The following TEX9 variants were observed in gnomAD, a reference collection of about 807,000 sequenced individuals.
TEX9 encodes testis expressed 9.
Under a neutral mutation model 59.6 loss-of-function variants are expected in TEX9, and 74 were observed. The observed-to-expected ratio is 1.24, with a 90% CI of 1.03 to 1.51. TEX9 has a LOEUF of 1.51. Ranked by LOEUF, TEX9 falls within the 40% of genes most tolerant of loss-of-function variation. TEX9 has a pLI of 0.00. For missense variants in TEX9, 522 were observed against 447.8 expected (o/e 1.17, Z -1.49); for synonymous variants, 186 against 152.2 (o/e 1.22, Z -1.64).
chr15:56,317,691 G>T (rs545010136), intron 1 of TEX9, among the ~76,000 whole-genome samples: 8 of 151,898 alleles, frequency 5.3e-5, no homozygotes, highest in Admixed American at 1.3e-4. Flanking sequence ...CAGCTTAATT[G>T]TGTTCCATAT....
intron 1 of TEX9, among the ~76,000 whole-genome samples, chr15:56,327,668 G>A (rs1349926479): frequency 6.6e-6 from 1 of 152,142 alleles, no homozygotes; most frequent in Non-Finnish European, 1.5e-5. Context: ...GCCTCGTGGT[G>A]CAGAAGGAGA....
At chr15:56,460,009 A>AAAAAAATATATATATATATATATATATAT in the TEX9 span, among the ~76,000 whole-genome samples, 22 of 26,382 alleles carry the variant, frequency 8.3e-4, 5 homozygotes, top group Non-Finnish European at 1.2e-3. Context: ...AAAAAAAAAA[A>AAAAAAATATATATATATATATATATATAT]ATACATATAT....
intron 1 of TEX9, among the ~76,000 whole-genome samples, chr15:56,353,198 A>G (rs1218225606): frequency 6.6e-6 from 1 of 152,220 alleles, no homozygotes; most frequent in Non-Finnish European, 1.5e-5. Context: ...AAATAAAAAT[A>G]TAAGCTTGTT....
At chr15:56,254,791 A>G (rs568539566) in intron 1 of TEX9, among the ~76,000 whole-genome samples, 30 of 150,826 alleles carry the variant, frequency 2.0e-4, no homozygotes, top group African/African-American at 7.0e-4. Flanking sequence ...TATAAAATAT[A>G]TACTTATAAA....
At chr15:56,343,824 A>G (rs1361774625) in intron 1 of TEX9, among the ~76,000 whole-genome samples, 1 of 152,188 alleles carries the variant, frequency 6.6e-6, no homozygotes, top group Non-Finnish European at 1.5e-5. Context: ...AAAGGGATCA[A>G]AGGATTTAGA....
intron 1 of TEX9, among the ~76,000 whole-genome samples, chr15:56,341,305 G>A (rs779111653): frequency 2.0e-5 from 3 of 152,020 alleles, no homozygotes; most frequent in African/African-American, 7.2e-5. Context: ...AAATGCCAGC[G>A]ATATTACACA....
chr15:56,456,515 C>A, the TEX9 span: 8 of 1,607,440 alleles, frequency 5.0e-6, no homozygotes, highest in East Asian at 1.8e-4. Context: ...CTCTTGTTTT[C>A]TTCTGCCTGA....
At chr15:56,427,736 A>G (rs1034927953) in exon 11 of TEX9, 40 of 1,478,242 alleles carry the variant, frequency 2.7e-5, no homozygotes, top group Non-Finnish European at 3.5e-5. Context: ...TAAAAAGGCA[A>G]AAGGTGAGTC....
At chr15:56,394,309 A>G (rs536629742) in intron 8 of TEX9, 62 bp downstream of exon 8, 15 of 1,379,638 alleles carry the variant, frequency 1.1e-5, no homozygotes, top group African/African-American at 7.4e-5. Flanking sequence ...AGCAATTTCA[A>G]TTACATTTTT....
chr15:56,368,058 C>T (rs1379274676), intron 2 of TEX9, among the ~76,000 whole-genome samples: 4 of 152,144 alleles, frequency 2.6e-5, no homozygotes, highest in Non-Finnish European at 5.9e-5. Context: ...TGATGGTGAG[C>T]TTCCTTGTTT....
intron 1 of TEX9, among the ~76,000 whole-genome samples, chr15:56,317,043 C>T (rs2141668621): frequency 6.6e-6 from 1 of 152,270 alleles, no homozygotes; most frequent in South Asian, 2.1e-4. Context: ...GACCTGCGCC[C>T]ACTGTCTGGC....
intron 10 of TEX9, among the ~76,000 whole-genome samples, chr15:56,426,587 GTGTATATATATA>G (rs1567141578): frequency 2.4e-4 from 2 of 8,212 alleles, no homozygotes; most frequent in South Asian, 5.4e-3. Context: ...TTTTGAAAAG[GTGTATATATATA>G]TATATATATA....
At chr15:56,304,182 T>C (rs181429408) in intron 1 of TEX9, among the ~76,000 whole-genome samples, 2 of 152,318 alleles carry the variant, frequency 1.3e-5, no homozygotes, top group East Asian at 3.9e-4. Context: ...GGTGTGATCA[T>C]TATGAAAACA....
chr15:56,427,504 T>TTTAAG, intron 10 of TEX9, 101 bp from the exon 11 acceptor site: 1 of 791,258 alleles, frequency 1.3e-6, no homozygotes, highest in Non-Finnish European at 1.8e-6. Flanking sequence ...TATATTTCAG[T>TTTAAG]TTAAGAAAGT....
At chr15:56,379,417 T>C (rs1414149769) in intron 3 of TEX9, among the ~76,000 whole-genome samples, 1 of 152,222 alleles carries the variant, frequency 6.6e-6, no homozygotes, top group Non-Finnish European at 1.5e-5. Flanking sequence ...AGATGCTTGA[T>C]ATTATTTCAG....
chr15:56,275,154 C>G (rs2044639361), intron 1 of TEX9, among the ~76,000 whole-genome samples: 1 of 152,136 alleles, frequency 6.6e-6, no homozygotes, highest in Non-Finnish European at 1.5e-5. Flanking sequence ...TTCTAATGGT[C>G]TAGATCCAGA....
intron 1 of TEX9, among the ~76,000 whole-genome samples, chr15:56,320,928 T>C (rs1251623874): frequency 1.3e-5 from 2 of 152,174 alleles, no homozygotes; most frequent in East Asian, 3.8e-4. Flanking sequence ...ACAGTACATT[T>C]CCACTAATAT....
intron 1 of TEX9, among the ~76,000 whole-genome samples, chr15:56,259,495 T>C (rs2044216849): frequency 6.6e-6 from 1 of 152,096 alleles, no homozygotes; most frequent in Admixed American, 6.5e-5. Flanking sequence ...TCCAGCATCA[T>C]TTATTGAAAA....
intron 4 of TEX9, among the ~76,000 whole-genome samples, chr15:56,385,193 C>A (rs1289823487): frequency 2.0e-5 from 3 of 152,124 alleles, no homozygotes; most frequent in Non-Finnish European, 4.4e-5. Context: ...ACTTTCATAT[C>A]TGTTCCATTG....
Sources: allele counts gnomAD v4.1 joint callset (sites outside exome capture counted in the v4.1 genomes callset), GRCh38; gene constraint gnomAD v4.1.1; transcripts MANE v1.5; gene names NCBI Gene and HGNC (gene_info 2026-07-23, HGNC 2026-07-21).